ZC3H12D: variants seen among roughly 807,000 people sequenced by gnomAD.
The protein encoded by ZC3H12D is probable ribonuclease ZC3H12D.
A neutral mutation model predicts 24.2 loss-of-function variants in ZC3H12D; 11 were observed. The observed-to-expected ratio is 0.46, with a 90% confidence interval of 0.29 to 0.75. The LOEUF (loss-of-function observed/expected upper bound fraction) is 0.75. Among genes scored for constraint, ZC3H12D ranks in the 30% least tolerant of loss-of-function variants. The probability of loss-of-function intolerance (pLI) is 0.11; values close to 1 mark genes in which losing one functional copy is unlikely to be tolerated. For synonymous variants in ZC3H12D, 333 were observed against 341.8 expected (o/e 0.97, Z 0.28); for missense variants, 740 against 767.7 (o/e 0.96, Z 0.43).
chr6:149,471,296 G>A (rs769956554), intron 2 of ZC3H12D, among the ~76,000 whole-genome samples: 1 of 152,214 alleles, frequency 6.6e-6, no homozygotes, highest in Non-Finnish European at 1.5e-5. Flanking sequence ...TTGTGTCATG[G>A]CTAGGAAGCA....
intron 1 of ZC3H12D, among the ~76,000 whole-genome samples, chr6:149,477,412 CA>C (rs976866804): frequency 2.0e-5 from 3 of 152,238 alleles, no homozygotes; most frequent in African/African-American, 7.2e-5. Context: ...TTCTAACTGC[CA>C]AATCCAACAA....
chr6:149,451,341 G>A lies in ZC3H12D; in HGVS notation c.926C>T (p.Pro309Leu), dbSNP rs1775891677. The change falls in exon 6 of 6, where the codon CCG (proline) becomes CTG (leucine). Residue 309 changes from proline (P) to leucine (L), a missense_variant. Pro to Leu is a moderately conservative substitution (Grantham distance 98, BLOSUM62 -3). Transcript: ENST00000409806. ...PGAGAEEQRPPRAPGGSAGAR... is the reference protein window; with the variant it reads ...PGAGAEEQRPLRAPGGSAGAR... The stretch of plus-strand genomic sequence containing the variant: ...TCCTGCGGAGCCGCCCGGGGCTCTC[G>A]GTGGCCGCTGCTCCTCGGCGCCCGC... 1 of 1,451,762 alleles carries A rather than the reference G, an allele frequency of 6.9e-7. No individual in the cohort carries two copies. Among genetic ancestry groups the A allele is most frequent in the Non-Finnish European group, 9.0e-7 (1 of 1,113,000 alleles). The allele number at this position is 1,451,762 out of a possible 1,614,324, so 89.9% of individuals were successfully genotyped here.
At position 149,456,496 on chromosome 6, in the gene ZC3H12D, C is replaced by CT. The variant is rs1208112404; in HGVS notation, c.680+169dup. Among the ~76,000 whole-genome samples, 1 of 152,118 alleles carries CT rather than the reference C, an allele frequency of 6.6e-6. No homozygotes were observed. Among genetic ancestry groups the CT allele is most frequent in the Non-Finnish European group, 1.5e-5 (1 of 67,998 alleles). On this transcript the variant is annotated intron_variant, in intron 4 of 5. Transcript: ENST00000409806. The surrounding 1 kb of genome is among the most constrained non-coding windows in gnomAD (Gnocchi z 4.3). Reference sequence around the variant, plus strand: ...GCAAGGTCAGAGCAAAGCAGCCCACCTATTGGGGACGTGCCCGCCGAGAAT... The same window carrying CT: ...GCAAGGTCAGAGCAAAGCAGCCCACCTTATTGGGGACGTGCCCGCCGAGAAT...
intron 1 of ZC3H12D, among the ~76,000 whole-genome samples, chr6:149,475,989 C>T (rs555372426): frequency 6.6e-5 from 10 of 152,234 alleles, no homozygotes; most frequent in South Asian, 2.1e-4. Flanking sequence ...CTCCAAGCAA[C>T]GTAGAAGCAT....
Position 149,456,622 on chromosome 6 carries a change from C to CCCCCCCCCCCCCCCCCCCGGGGGCAGG in ZC3H12D, c.680+43_680+44insCCTGCCCCCGGGGGGGGGGGGGGGGGG. The CCCCCCCCCCCCCCCCCCCGGGGGCAGG allele has an allele frequency of 7.6e-7, 1 of 1,314,358 alleles. No individual in the cohort carries two copies. The allele number at this position is 1,314,358 out of a possible 1,614,324, so 81.4% of individuals were successfully genotyped here. A position where few individuals can be genotyped will look rare whatever the true frequency, so the allele number is the denominator to read the frequency against. On this transcript the variant is annotated intron_variant, in intron 4 of 5. Transcript: ENST00000409806. The surrounding 1 kb of genome is among the most constrained non-coding windows in gnomAD (Gnocchi z 4.3). ...GGCCACTGCCTCGACCCCGGCCCCC[C>CCCCCCCCCCCCCCCCCCCGGGGGCAGG]GCCCCGCCGCCCCCCAGGGTGTCAG...
rs1311682206 is a variant in ZC3H12D, at chr6:149,451,331, C to A, written c.936G>T (p.Pro312=). Residue 312 remains proline, a synonymous_variant, in exon 6 of 6, where the codon CCG becomes CCT. Coordinates refer to ENST00000409806, the MANE Select transcript of ZC3H12D (RefSeq NM_207360.3). ...CCGCCCGGGCTCCTGCGGAGCCGCC[C>A]GGGGCTCTCGGTGGCCGCTGCTCCT... ...GAEEQRPPRA[P]GGSAGARAAP... 7 of 1,428,468 alleles carry A rather than the reference C, an allele frequency of 4.9e-6. No homozygotes were observed. The highest frequency in any genetic ancestry group is 6.4e-6 in the Non-Finnish European group (7 of 1,101,842). The allele number at this position is 1,428,468 out of a possible 1,614,324, so 88.5% of individuals were successfully genotyped here.
At chr6:149,477,137 T>C (rs375606168) in intron 1 of ZC3H12D, among the ~76,000 whole-genome samples, 1 of 152,266 alleles carries the variant, frequency 6.6e-6, no homozygotes, top group South Asian at 2.1e-4. Flanking sequence ...CCTCTTCTCC[T>C]ATTTGACTTC....
chr6:149,463,444 C>G (rs1776105946), intron 2 of ZC3H12D, among the ~76,000 whole-genome samples: 3 of 152,214 alleles, frequency 2.0e-5, no homozygotes, highest in Admixed American at 2.0e-4. Context: ...GGCGTGGTGG[C>G]TCACGCCTGT....
At chr6:149,478,547 C>T (rs1211648761) in intron 1 of ZC3H12D, among the ~76,000 whole-genome samples, 1 of 152,034 alleles carries the variant, frequency 6.6e-6, no homozygotes, top group Non-Finnish European at 1.5e-5. Flanking sequence ...AGATAGAATC[C>T]ACATAAACAA....
chr6:149,459,452 C>T (rs1776037742), intron 3 of ZC3H12D: 3 of 606,704 alleles, frequency 4.9e-6, no homozygotes, highest in African/African-American at 1.9e-5. Flanking sequence ...AGACAGAAAG[C>T]AGAGAGGATT....
At chr6:149,468,043 G>A (rs776136099) in intron 2 of ZC3H12D, among the ~76,000 whole-genome samples, 42 of 152,212 alleles carry the variant, frequency 2.8e-4, no homozygotes, top group Admixed American at 1.8e-3. Flanking sequence ...GTGCAATGGC[G>A]CAATCTCAGC....
intron 2 of ZC3H12D, among the ~76,000 whole-genome samples, chr6:149,465,616 G>C (rs1583188547): frequency 1.3e-5 from 2 of 152,032 alleles, no homozygotes; most frequent in African/African-American, 4.8e-5. Flanking sequence ...TTAGCTAGGT[G>C]TGATGGCATG....
intron 2 of ZC3H12D, among the ~76,000 whole-genome samples, chr6:149,469,576 T>C (rs1268976852): frequency 6.6e-6 from 1 of 152,238 alleles, no homozygotes. Flanking sequence ...AAAAAGTTGC[T>C]GGACATTATT....
chr6:149,453,824 G>C (rs1169653478), intron 4 of ZC3H12D, among the ~76,000 whole-genome samples: 2 of 152,052 alleles, frequency 1.3e-5, no homozygotes, highest in African/African-American at 4.8e-5. Context: ...GAGGATCCCT[G>C]GAGTCCAGGA....
rs112492487 is a variant in ZC3H12D at position 149,461,087 on chromosome 6, A to C, written c.445+744T>G. ...GCTGGGTGAGGTGGCTCTCGCCTCT[A>C]ATCCCAGCACTTTGGGAGTTCGAGG... On this transcript the variant is annotated intron_variant, in intron 3 of 5. Coordinates refer to ENST00000409806, the MANE Select transcript of ZC3H12D (RefSeq NM_207360.3). Among the ~76,000 whole-genome samples, 443 of 152,324 alleles carry C rather than the reference A, an allele frequency of 2.9e-3. 2 individuals carry two copies. The highest frequency in any genetic ancestry group is 0.01 in the African/African-American group (426 of 41,578).
chr6:149,456,627 C>CCCCCCCCCCCCCGGG lies in ZC3H12D; in HGVS notation c.680+38_680+39insCCCGGGGGGGGGGGG. The stretch of plus-strand genomic sequence containing the variant: ...CTGCCTCGACCCCGGCCCCCCGCCC[C>CCCCCCCCCCCCCGGG]GCCGCCCCCCAGGGTGTCAGGACCC... On this transcript the variant is annotated intron_variant, in intron 4 of 5. Transcript: ENST00000409806. The surrounding 1 kb of genome is among the most constrained non-coding windows in gnomAD (Gnocchi z 4.3). 7.1e-7 allele frequency: 1 copy of CCCCCCCCCCCCCGGG among 1,403,092 alleles called. No homozygotes were observed. The highest frequency in any genetic ancestry group is 1.4e-5 in the African/African-American group (1 of 70,992). 86.9% of individuals were successfully genotyped at this position (1,403,092 alleles called of 1,614,324 possible).
Position 149,456,627 on chromosome 6 carries a change from C to CCCCCCCCCCCCCCGGGGT in ZC3H12D, c.680+38_680+39insACCCCGGGGGGGGGGGGG. ...CTGCCTCGACCCCGGCCCCCCGCCC[C>CCCCCCCCCCCCCCGGGGT]GCCGCCCCCCAGGGTGTCAGGACCC... On this transcript the variant is annotated intron_variant, in intron 4 of 5. Coordinates refer to ENST00000409806, the MANE Select transcript of ZC3H12D (RefSeq NM_207360.3). The surrounding 1 kb of genome is among the most constrained non-coding windows in gnomAD (Gnocchi z 4.3). 7.1e-7 allele frequency: 1 copy of CCCCCCCCCCCCCCGGGGT among 1,403,092 alleles called. No individual in the cohort carries two copies. The highest frequency in any genetic ancestry group is 1.0e-6 in the Non-Finnish European group (1 of 997,694). 86.9% of individuals were successfully genotyped at this position (1,403,092 alleles called of 1,614,324 possible).
intron 4 of ZC3H12D, among the ~76,000 whole-genome samples, chr6:149,454,359 G>A (rs561520304): frequency 1.3e-5 from 2 of 152,324 alleles, no homozygotes; most frequent in South Asian, 2.1e-4. Flanking sequence ...GTAAATCAAG[G>A]AGAAGATGTT....
rs922957938 is a variant in ZC3H12D at position 149,456,462 on chromosome 6, C to T, written c.680+204G>A. ...TCTCTGTGGTGTGTCAGATGTGGCC[C>T]TGGGAACAGCAAGGTCAGAGCAAAG... On this transcript the variant is annotated intron_variant, in intron 4 of 5. Coordinates refer to ENST00000409806, the MANE Select transcript of ZC3H12D (RefSeq NM_207360.3). This position sits in a 1 kb window ranked among gnomAD's most constrained non-coding sequence, Gnocchi z 4.3. Among the ~76,000 whole-genome samples, 28 of 152,048 alleles carry T rather than the reference C, an allele frequency of 1.8e-4. No individual in the cohort carries two copies. Among genetic ancestry groups the T allele is most frequent in the African/African-American group, 6.5e-4 (27 of 41,410 alleles).
Sources: allele counts gnomAD v4.1 joint callset (sites outside exome capture counted in the v4.1 genomes callset), GRCh38; gene constraint gnomAD v4.1.1; non-coding constraint Gnocchi (gnomAD v3.1); transcripts MANE v1.5; gene names NCBI Gene and HGNC (gene_info 2026-07-23, HGNC 2026-07-21).